Variants in CFAP90 observed in about 807,000 individuals in gnomAD.
CFAP90 encodes cilia and flagella associated protein 90.
At chr5:7,840,815 T>C in the CFAP90 span, among the ~76,000 whole-genome samples, 1 of 152,152 alleles carries the variant, frequency 6.6e-6, no homozygotes, top group Non-Finnish European at 1.5e-5. Flanking sequence ...ATATGACTGA[T>C]GTCCTTATTG....
chr5:7,838,087 C>T, the CFAP90 span, among the ~76,000 whole-genome samples: 1 of 152,190 alleles, frequency 6.6e-6, no homozygotes, highest in African/African-American at 2.4e-5. Flanking sequence ...TTTTTAAAAG[C>T]CTGAATCAAT....
the CFAP90 span, among the ~76,000 whole-genome samples, chr5:7,839,416 T>C: frequency 4.7e-4 from 72 of 152,342 alleles, no homozygotes; most frequent in East Asian, 0.014. Flanking sequence ...CCAACCCTCC[T>C]GAACTGAGTG....
At chr5:7,837,250 C>T in the CFAP90 span, among the ~76,000 whole-genome samples, 3 of 151,964 alleles carry the variant, frequency 2.0e-5, no homozygotes, top group East Asian at 1.9e-4. Context: ...CTTCCTTGTT[C>T]GGTATCTAGT....
the CFAP90 span, chr5:7,831,924 G>A: frequency 1.2e-6 from 2 of 1,614,188 alleles, no homozygotes; most frequent in African/African-American, 1.3e-5. Context: ...AAGTCAGCCT[G>A]CACATGGTTG....
chr5:7,848,051 G>A, the CFAP90 span, among the ~76,000 whole-genome samples: 3 of 152,164 alleles, frequency 2.0e-5, no homozygotes, highest in East Asian at 1.9e-4. Flanking sequence ...CTCATGCGGT[G>A]CATTACTGCT....
the CFAP90 span, among the ~76,000 whole-genome samples, chr5:7,844,833 C>T: frequency 2.0e-5 from 3 of 152,142 alleles, no homozygotes; most frequent in Non-Finnish European, 4.4e-5. Context: ...CCTAAGCAGA[C>T]AGGACCCATA....
chr5:7,834,124 G>A, the CFAP90 span, among the ~76,000 whole-genome samples: 1 of 152,120 alleles, frequency 6.6e-6, no homozygotes, highest in Non-Finnish European at 1.5e-5. Flanking sequence ...GTATTCCAGA[G>A]AAGACATTGT....
At chr5:7,843,446 C>T in the CFAP90 span, among the ~76,000 whole-genome samples, 1 of 152,164 alleles carries the variant, frequency 6.6e-6, no homozygotes. Flanking sequence ...TATAAATTTT[C>T]AAATAATCTG....
At chr5:7,839,587 A>G in the CFAP90 span, among the ~76,000 whole-genome samples, 1 of 152,236 alleles carries the variant, frequency 6.6e-6, no homozygotes, top group African/African-American at 2.4e-5. Flanking sequence ...GTAATATGCA[A>G]CTTTACAGAG....
At chr5:7,849,400 C>T in the CFAP90 span, among the ~76,000 whole-genome samples, 1 of 152,154 alleles carries the variant, frequency 6.6e-6, no homozygotes, top group African/African-American at 2.4e-5. Context: ...CGATCTCCTT[C>T]CCCCTAGACA....
At chr5:7,850,209 C>T in the CFAP90 span, among the ~76,000 whole-genome samples, 422 of 152,168 alleles carry the variant, frequency 2.8e-3, 3 homozygotes, top group Middle Eastern at 0.014. Context: ...TCTTTGGGGC[C>T]CAGGCGCCTT....
the CFAP90 span, among the ~76,000 whole-genome samples, chr5:7,838,512 G>A: frequency 6.6e-6 from 1 of 152,190 alleles, no homozygotes; most frequent in African/African-American, 2.4e-5. Context: ...CTGCAAGGAT[G>A]AGGGAGGATA....
chr5:7,834,561 C>T, the CFAP90 span, among the ~76,000 whole-genome samples: 1 of 152,058 alleles, frequency 6.6e-6, no homozygotes, highest in Non-Finnish European at 1.5e-5. Flanking sequence ...ATGTCCTAGG[C>T]CTTCACATTC....
chr5:7,847,532 C>T, the CFAP90 span, among the ~76,000 whole-genome samples: 1 of 152,178 alleles, frequency 6.6e-6, no homozygotes, highest in Non-Finnish European at 1.5e-5. Flanking sequence ...CTACACAGCT[C>T]TCTGCGGTAA....
At chr5:7,850,976 T>A in the CFAP90 span, 194 of 1,309,920 alleles carry the variant, frequency 1.5e-4, 2 homozygotes, top group Non-Finnish European at 9.7e-6. Flanking sequence ...GGCCTGGGCT[T>A]GCCCCGCAGC....
the CFAP90 span, among the ~76,000 whole-genome samples, chr5:7,842,568 A>G: frequency 6.6e-6 from 1 of 152,084 alleles, no homozygotes; most frequent in East Asian, 1.9e-4. Context: ...ATAAATTCAG[A>G]GCATCCAATA....
chr5:7,832,014 C>A, the CFAP90 span: 1 of 1,609,756 alleles, frequency 6.2e-7, no homozygotes, highest in African/African-American at 1.3e-5. Flanking sequence ...AGCACTCCAA[C>A]CGGCCTCTCC....
chr5:7,842,179 T>C, the CFAP90 span, among the ~76,000 whole-genome samples: 17 of 151,802 alleles, frequency 1.1e-4, no homozygotes, highest in Non-Finnish European at 2.4e-4. Context: ...CTCCCAGAAG[T>C]TGCACACAAA....
chr5:7,850,880 C>A, the CFAP90 span: 1 of 1,327,596 alleles, frequency 7.5e-7, no homozygotes. Flanking sequence ...CTCACCCGCG[C>A]CGGGCGGTAG....
Sources: allele counts gnomAD v4.1 joint callset (sites outside exome capture counted in the v4.1 genomes callset), GRCh38; gene constraint gnomAD v4.1.1; transcripts MANE v1.5; gene names NCBI Gene and HGNC (gene_info 2026-07-23, HGNC 2026-07-21).